Variants in RNF145 observed in about 807,000 individuals in gnomAD.
RNF145 encodes the protein ring finger protein 145.
Under a neutral mutation model 57.3 loss-of-function variants are expected in RNF145, and 12 were observed. The observed-to-expected ratio is 0.21, with a 90% CI of 0.13 to 0.34. The LOEUF (loss-of-function observed/expected upper bound fraction) is 0.34. Among genes scored for constraint, RNF145 ranks in the 10% least tolerant of loss-of-function variants. The pLI is 1.00. For missense variants in RNF145, 429 were observed against 799.0 expected, an observed-to-expected ratio of 0.54 and a Z score of 5.58; for synonymous variants, 262 against 288.3, an observed-to-expected ratio of 0.91 and a Z score of 0.92.
chr5:159,196,725 C>A (rs943446651), intron 2 of RNF145, among the ~76,000 whole-genome samples: 1 of 152,116 alleles, frequency 6.6e-6, no homozygotes, highest in Non-Finnish European at 1.5e-5. Context: ...ATTTTGTTAA[C>A]CCCTACCTCA....
At chr5:159,206,635 G>A (rs62378717) in intron 1 of RNF145, among the ~76,000 whole-genome samples, 3,518 of 152,222 alleles carry the variant, frequency 0.023, 56 homozygotes, top group Admixed American at 0.042. Context: ...AATTTATCCT[G>A]TTCCAGATTT....
chr5:159,175,479 A>G (rs1287145974), intron 5 of RNF145, among the ~76,000 whole-genome samples: 1 of 152,184 alleles, frequency 6.6e-6, no homozygotes, highest in Admixed American at 6.5e-5. Flanking sequence ...AATATTCAAT[A>G]AGTATTTACT....
At chr5:159,166,442 A>T (rs1169177914) in intron 8 of RNF145, among the ~76,000 whole-genome samples, 1 of 152,258 alleles carries the variant, frequency 6.6e-6, no homozygotes, top group Admixed American at 6.5e-5. Flanking sequence ...TGTCAGTTTA[A>T]GAAATCTTTT....
chr5:159,207,818 A>G (rs1584718310), intron 1 of RNF145: 1 of 1,614,212 alleles, frequency 6.2e-7, no homozygotes, highest in African/African-American at 1.3e-5. Context: ...CCGCAAAGAC[A>G]GGGAGTCTAC....
At position 159,161,578 on chromosome 5, in the gene RNF145, T is replaced by C; in HGVS notation, c.1314A>G (p.Glu438=). The change falls in exon 10 of 11, where the codon GAA becomes GAG. Residue 438 remains glutamate (E), a synonymous_variant. Coordinates refer to ENST00000424310, the MANE Select transcript of RNF145 (RefSeq NM_001199383.2). The part of the protein sequence containing the change: ...LFIYVLFMVE[E]FRKEPVENMD... ...TGTTTTCCACTGGCTCTTTTCTGAA[T>C]TCCTCAACCATAAATAAGACATAAA... 6.2e-7 allele frequency: 1 copy of C among 1,612,906 alleles called. No individual in the cohort carries two copies.
At chr5:159,181,814 CA>C (rs1218666931) in intron 4 of RNF145, 145 bp downstream of exon 4, 1 of 500,078 alleles carries the variant, frequency 2.0e-6, no homozygotes, top group Admixed American at 3.3e-5. Context: ...AAAAAAAAAC[CA>C]CCAAACAATG....
chr5:159,183,971 A>G lies in RNF145; in HGVS notation c.294-1920T>C, dbSNP rs922405752. On this transcript the variant is annotated intron_variant, in intron 3 of 10. Coordinates refer to ENST00000424310, the MANE Select transcript of RNF145 (RefSeq NM_001199383.2). ...TGAACTGCTCACTTTAAAATGATTA[A>G]TTTTATGTTATACGAATTTTACATT... is the stretch of plus-strand genomic sequence containing the variant. Among the ~76,000 whole-genome samples, 3 of 152,280 alleles carry G rather than the reference A, an allele frequency of 2.0e-5. No individual in the cohort carries two copies. The East Asian group carries it at 5.8e-4, about 29-fold the overall frequency.
At chr5:159,163,714 T>G (rs1313013682) in intron 8 of RNF145, among the ~76,000 whole-genome samples, 1 of 152,244 alleles carries the variant, frequency 6.6e-6, no homozygotes, top group Non-Finnish European at 1.5e-5. Context: ...CGTAATATTT[T>G]CAACACTGTC....
chr5:159,168,830 A>G (rs750089208), intron 8 of RNF145, 43 bp downstream of exon 8: 2 of 1,247,140 alleles, frequency 1.6e-6, no homozygotes, highest in Non-Finnish European at 2.2e-6. Context: ...CATGTAAAGA[A>G]TATTACATGA....
At chr5:159,189,650 C>A (rs1785215770) in intron 3 of RNF145, among the ~76,000 whole-genome samples, 1 of 152,192 alleles carries the variant, frequency 6.6e-6, no homozygotes, top group African/African-American at 2.4e-5. Context: ...CATGAATTGT[C>A]ATAACATTAT....
chr5:159,195,908 C>G (rs1367359149), intron 2 of RNF145, among the ~76,000 whole-genome samples: 1 of 152,152 alleles, frequency 6.6e-6, no homozygotes, highest in African/African-American at 2.4e-5. Flanking sequence ...TCAACAAGTA[C>G]AAACTGTGCT....
Position 159,176,713 on chromosome 5 carries a change from T to A in RNF145, c.540A>T (p.Gly180=). The A allele has an allele frequency of 6.2e-7, 1 of 1,612,172 alleles. No individual in the cohort carries two copies. Among genetic ancestry groups the A allele is most frequent in the Non-Finnish European group, 8.5e-7 (1 of 1,178,654 alleles). ...ACCCAAGAAAATAGAGAACTTCCAA[T>A]CCAGTAAAAATCATAGCAAATTTAT... ...IINKFAMIFT[G]LEVLYFLGSN... Residue 180 remains glycine (G), a synonymous_variant, in exon 5 of 11, where the codon GGA becomes GGT. Transcript: ENST00000424310.
chr5:159,187,245 G>A (rs1351304977), intron 3 of RNF145, among the ~76,000 whole-genome samples: 2 of 151,728 alleles, frequency 1.3e-5, no homozygotes, highest in African/African-American at 4.8e-5. Flanking sequence ...TCACGCCATT[G>A]CACTCCAGCC....
chr5:159,161,039 G>A (rs2113072733), intron 10 of RNF145: 2 of 445,962 alleles, frequency 4.5e-6, no homozygotes, highest in South Asian at 7.3e-5. Flanking sequence ...GAGCAATAAT[G>A]TTGAAAACAA....
intron 4 of RNF145, among the ~76,000 whole-genome samples, chr5:159,180,311 G>T (rs1008227883): frequency 6.6e-6 from 1 of 151,968 alleles, no homozygotes; most frequent in South Asian, 2.1e-4. Context: ...CCCTCAACTG[G>T]CCATTTTTGG....
At chr5:159,207,669 G>C (rs111439145) in intron 1 of RNF145, 12 of 1,611,994 alleles carry the variant, frequency 7.4e-6, no homozygotes, top group African/African-American at 6.7e-5. Context: ...GAAAGAGAAC[G>C]CATTTCTTAC....
chr5:159,177,521 T>C (rs534496789), intron 4 of RNF145, among the ~76,000 whole-genome samples: 1 of 152,176 alleles, frequency 6.6e-6, no homozygotes, highest in East Asian at 1.9e-4. Context: ...AAGAACACCC[T>C]GGGGTACACT....
intron 4 of RNF145, among the ~76,000 whole-genome samples, chr5:159,178,865 G>T (rs926305839): frequency 1.3e-5 from 2 of 151,892 alleles, no homozygotes; most frequent in Admixed American, 6.6e-5. Flanking sequence ...TTTTACATAA[G>T]ACCAAACACT....
At chr5:159,172,484 A>G (rs989353404) in intron 6 of RNF145, among the ~76,000 whole-genome samples, 8 of 152,134 alleles carry the variant, frequency 5.3e-5, no homozygotes, top group Non-Finnish European at 1.2e-4. Context: ...CGTCTCAAAA[A>G]AAAAAAAGTC....
Sources: allele counts gnomAD v4.1 joint callset (sites outside exome capture counted in the v4.1 genomes callset), GRCh38; gene constraint gnomAD v4.1.1; transcripts MANE v1.5; gene names NCBI Gene and HGNC (gene_info 2026-07-23, HGNC 2026-07-21).